NRXN3: variants seen among roughly 807,000 people sequenced by gnomAD.
The protein encoded by NRXN3 is neurexin 3.
In NRXN3, 32 loss-of-function variants were observed where a neutral mutation model predicts 137.6. That is an observed-to-expected ratio of 0.23 (90% CI 0.18 to 0.31). The LOEUF (loss-of-function observed/expected upper bound fraction) is 0.31. Among genes scored for constraint, NRXN3 ranks in the 10% least tolerant of loss-of-function variants. The pLI is 1.00. For synonymous variants in NRXN3, 798 were observed against 784.5 expected (o/e 1.02, Z -0.29); for missense variants, 1,574 against 2,062.5 (o/e 0.76, Z 4.59).
At chr14:79,284,943 G>A (rs150101006) in intron 15 of NRXN3, among the ~76,000 whole-genome samples, 3 of 152,266 alleles carry the variant, frequency 2.0e-5, no homozygotes, top group East Asian at 3.9e-4. Context: ...CCTTGGTGAT[G>A]AATTAATTAG....
chr14:79,450,822 C>T (rs952364682), intron 15 of NRXN3, among the ~76,000 whole-genome samples: 11 of 151,438 alleles, frequency 7.3e-5, no homozygotes, highest in South Asian at 2.1e-4. Flanking sequence ...GCCGGGCTCA[C>T]GCCACTGCAC....
At chr14:78,785,380 A>G (rs1205133059) in intron 8 of NRXN3, among the ~76,000 whole-genome samples, 1 of 152,148 alleles carries the variant, frequency 6.6e-6, no homozygotes, top group Non-Finnish European at 1.5e-5. Flanking sequence ...TCTACTTTCT[A>G]TCTTCTGCTG....
chr14:78,878,021 CTTT>C (rs2099117906), intron 10 of NRXN3, among the ~76,000 whole-genome samples: 1 of 152,058 alleles, frequency 6.6e-6, no homozygotes. Context: ...TTCTTAACTG[CTTT>C]TTCTATCCAT....
chr14:79,769,797 T>G (rs1352471948), intron 19 of NRXN3, among the ~76,000 whole-genome samples: 2 of 151,886 alleles, frequency 1.3e-5, no homozygotes, highest in Non-Finnish European at 2.9e-5. Context: ...TGTAAATGGA[T>G]TAAATTCTCC....
intron 4 of NRXN3, among the ~76,000 whole-genome samples, chr14:78,552,468 T>C (rs773025425): frequency 1.6e-4 from 24 of 152,158 alleles, no homozygotes; most frequent in Non-Finnish European, 2.4e-4. Flanking sequence ...ACTGTGGTCA[T>C]GAGAAGTCTC....
intron 16 of NRXN3, among the ~76,000 whole-genome samples, chr14:79,631,576 C>T (rs1382663244): frequency 6.6e-6 from 1 of 152,236 alleles, no homozygotes; most frequent in African/African-American, 2.4e-5. Context: ...GGGACGAGCT[C>T]CCTCTGGGCT....
intron 19 of NRXN3, among the ~76,000 whole-genome samples, chr14:79,712,759 T>A (rs1052793705): frequency 6.6e-6 from 1 of 152,020 alleles, no homozygotes; most frequent in Admixed American, 6.6e-5. Flanking sequence ...CCTTCTGGAG[T>A]CGTCTGACCT....
At chr14:78,787,707 A>T (rs1000347133) in intron 8 of NRXN3, among the ~76,000 whole-genome samples, 1 of 152,222 alleles carries the variant, frequency 6.6e-6, no homozygotes, top group Non-Finnish European at 1.5e-5. Context: ...TATCTACAGA[A>T]CAGTGCTGTT....
At chr14:79,655,614 G>T (rs897017525) in intron 16 of NRXN3, among the ~76,000 whole-genome samples, 3 of 152,034 alleles carry the variant, frequency 2.0e-5, no homozygotes, top group African/African-American at 7.2e-5. Context: ...ATGGATATTT[G>T]TTAAGTGACT....
intron 16 of NRXN3, among the ~76,000 whole-genome samples, chr14:79,536,272 G>A (rs892386506): frequency 1.3e-5 from 2 of 152,096 alleles, no homozygotes; most frequent in Non-Finnish European, 2.9e-5. Flanking sequence ...CCATAAGTAC[G>A]TGTGATCCAT....
chr14:78,798,018 C>G (rs1214424845), intron 8 of NRXN3, among the ~76,000 whole-genome samples: 1 of 152,142 alleles, frequency 6.6e-6, no homozygotes, highest in Non-Finnish European at 1.5e-5. Context: ...GGTAGAAACA[C>G]AGCTAACCCA....
At chr14:79,564,358 G>A (rs1025160790) in intron 16 of NRXN3, among the ~76,000 whole-genome samples, 9 of 152,064 alleles carry the variant, frequency 5.9e-5, no homozygotes, top group African/African-American at 2.2e-4. Context: ...AATAATAATT[G>A]GCATTATCTC....
chr14:79,608,557 G>A (rs1014307240), intron 16 of NRXN3, among the ~76,000 whole-genome samples: 1 of 152,204 alleles, frequency 6.6e-6, no homozygotes, highest in Non-Finnish European at 1.5e-5. Flanking sequence ...GGGATAAGCA[G>A]AGACTTGTTG....
intron 4 of NRXN3, among the ~76,000 whole-genome samples, chr14:78,383,786 C>T (rs562339916): frequency 6.6e-6 from 1 of 152,222 alleles, no homozygotes; most frequent in South Asian, 2.1e-4. Context: ...GAGAGTGATG[C>T]CTGATGCATA....
chr14:79,860,601 A>G (rs1187475947), intron 20 of NRXN3, among the ~76,000 whole-genome samples: 1 of 152,202 alleles, frequency 6.6e-6, no homozygotes, highest in Non-Finnish European at 1.5e-5. Flanking sequence ...TCCTCCTGGG[A>G]GCAAATGAGC....
intron 15 of NRXN3, among the ~76,000 whole-genome samples, chr14:79,396,521 T>C (rs2095031619): frequency 6.6e-6 from 1 of 152,106 alleles, no homozygotes; most frequent in Middle Eastern, 3.2e-3. Context: ...TTTTAAAACA[T>C]TCCTTGAATG....
intron 15 of NRXN3, among the ~76,000 whole-genome samples, chr14:79,449,252 A>G (rs2096123517): frequency 6.6e-6 from 1 of 152,160 alleles, no homozygotes; most frequent in Admixed American, 6.6e-5. Context: ...TCTGCTGCAC[A>G]GTGCTTTTTA....
intron 4 of NRXN3, among the ~76,000 whole-genome samples, chr14:78,351,153 C>G (rs140618407): frequency 6.6e-6 from 1 of 152,140 alleles, no homozygotes. Flanking sequence ...CTATAGTTTT[C>G]TGCAAATTGT....
intron 4 of NRXN3, among the ~76,000 whole-genome samples, chr14:78,526,600 C>A (rs2096383236): frequency 6.6e-6 from 1 of 152,220 alleles, no homozygotes; most frequent in Admixed American, 6.5e-5. Flanking sequence ...GTCTTCATTT[C>A]TTTTTCAGTA....
Sources: gnomAD v4.1 joint callset for allele counts (sites outside exome capture counted in the v4.1 genomes callset) on GRCh38, gnomAD v4.1.1 for gene constraint, MANE v1.5 for transcripts, NCBI Gene and HGNC (gene_info 2026-07-23, HGNC 2026-07-21) for gene names.